ADAM10: variants seen among roughly 807,000 people sequenced by gnomAD.
The protein encoded by ADAM10 is ADAM metallopeptidase domain 10, also known as disintegrin and metalloproteinase domain-containing protein 10.
Under a neutral mutation model 90.1 loss-of-function variants are expected in ADAM10, and 17 were observed. The observed-to-expected ratio is 0.19, with a 90% confidence interval of 0.13 to 0.28. ADAM10 has a LOEUF of 0.28. Ranked by LOEUF, ADAM10 falls within the 10% of genes least tolerant of loss-of-function variation. The pLI is 1.00. For missense variants in ADAM10, 610 were observed against 914.3 expected (o/e 0.67, Z 4.29); for synonymous variants, 310 against 298.6 (o/e 1.04, Z -0.40).
intron 5 of ADAM10, among the ~76,000 whole-genome samples, chr15:58,664,033 C>T (rs2140727201): frequency 6.6e-6 from 1 of 152,166 alleles, no homozygotes; most frequent in East Asian, 1.9e-4. Context: ...CATTAGTCTC[C>T]TAAAATCTAC....
At chr15:58,650,628 T>C (rs747400251) in intron 5 of ADAM10, among the ~76,000 whole-genome samples, 2 of 152,270 alleles carry the variant, frequency 1.3e-5, no homozygotes, top group East Asian at 1.9e-4. Context: ...GGAGAAAAGG[T>C]AGAACCAAAT....
rs543617343 is a variant in ADAM10 at position 58,648,200 on chromosome 15, T to G, written c.586-1996A>C. ...CTGATATATACACAATAAAACTTAT[T>G]TTTAAAACAATTTGTATTATAGATG... On this transcript the variant is annotated intron_variant, in intron 5 of 15. Coordinates refer to ENST00000260408, the MANE Select transcript of ADAM10 (RefSeq NM_001110.4). 3.9e-5 allele frequency among the ~76,000 whole-genome samples: 6 copies of G among 152,296 alleles called. No individual in the cohort carries two copies. In the East Asian group the frequency reaches 1.2e-3, roughly 29 times the overall value.
At chr15:58,600,791 T>G (rs1385982226) in intron 14 of ADAM10, among the ~76,000 whole-genome samples, 2 of 152,144 alleles carry the variant, frequency 1.3e-5, no homozygotes, top group African/African-American at 4.8e-5. Flanking sequence ...TACAAAATAT[T>G]TACAGCTTCA....
intron 1 of ADAM10, among the ~76,000 whole-genome samples, chr15:58,734,705 T>C (rs1340085266): frequency 8.3e-6 from 1 of 120,254 alleles, no homozygotes; most frequent in Admixed American, 8.2e-5. Flanking sequence ...GTCTCAAAAT[T>C]AAAAAAAAAA....
Position 58,627,867 on chromosome 15 carries a change from T to C in ADAM10, c.1193A>G (p.Glu398Gly). 6.2e-7 allele frequency: 1 copy of C among 1,613,532 alleles called. No individual in the cohort carries two copies. Reference sequence around the variant, plus strand: ...ATTCTTAGATTCTCCTGGTGTGCACTCTGTTCCAGAATCATGCTGTCAAAA... The same window carrying C: ...ATTCTTAGATTCTCCTGGTGTGCACCCTGTTCCAGAATCATGCTGTCAAAA... The part of the protein sequence containing the change: ...NFGSPHDSGT[E>G]CTPGESKNLG... The change falls in exon 10 of 16, where the codon GAG becomes GGG. Residue 398 changes from glutamate (E) to glycine (G), a missense_variant. Transcript: ENST00000260408.
At chr15:58,655,882 G>T (rs1383085992) in intron 5 of ADAM10, among the ~76,000 whole-genome samples, 1 of 149,274 alleles carries the variant, frequency 6.7e-6, no homozygotes, top group South Asian at 2.1e-4. Flanking sequence ...GAGTAGCTGG[G>T]ATTACAGATG....
chr15:58,609,344 T>C lies in ADAM10; in HGVS notation c.2025+953A>G, dbSNP rs576813297. Reference sequence around the variant, plus strand: ...TTCTACTCCATGATCATTACATATCTAAAAACCACATATCCTAATGTGTCC... The same window carrying C: ...TTCTACTCCATGATCATTACATATCCAAAAACCACATATCCTAATGTGTCC... On this transcript the variant is annotated intron_variant, in intron 14 of 15. Coordinates refer to ENST00000260408, the MANE Select transcript of ADAM10 (RefSeq NM_001110.4). 2.0e-5 allele frequency: 3 copies of C among 152,310 alleles called. No individual in the cohort carries two copies. In the East Asian group the frequency reaches 5.8e-4, roughly 29 times the overall value. 9.4% of individuals were successfully genotyped at this position (152,310 alleles called of 1,614,324 possible).
At chr15:58,653,064 T>A (rs1292819546) in intron 5 of ADAM10, among the ~76,000 whole-genome samples, 1 of 152,214 alleles carries the variant, frequency 6.6e-6, no homozygotes, top group Non-Finnish European at 1.5e-5. Flanking sequence ...GTACGTTGAT[T>A]TTGTATCCTG....
chr15:58,726,335 C>T (rs1364717678), intron 1 of ADAM10, among the ~76,000 whole-genome samples: 3 of 151,646 alleles, frequency 2.0e-5, no homozygotes, highest in Admixed American at 6.6e-5. Flanking sequence ...GAGGCCAAGG[C>T]GGGTGGATCA....
At chr15:58,684,361 T>C (rs1339306157) in intron 2 of ADAM10, among the ~76,000 whole-genome samples, 1 of 152,198 alleles carries the variant, frequency 6.6e-6, no homozygotes, top group East Asian at 1.9e-4. Flanking sequence ...TTTATGCTAA[T>C]GAGGTGACTT....
intron 5 of ADAM10, among the ~76,000 whole-genome samples, chr15:58,655,723 A>AG (rs1381370723): frequency 3.8e-5 from 3 of 78,076 alleles, no homozygotes; most frequent in South Asian, 4.3e-4. Context: ...ATATATATAT[A>AG]TATATATATA....
At chr15:58,713,402 A>G (rs1567008262) in intron 2 of ADAM10, among the ~76,000 whole-genome samples, 2 of 152,200 alleles carry the variant, frequency 1.3e-5, no homozygotes, top group East Asian at 1.9e-4. Flanking sequence ...CACCATGTCC[A>G]GCAATTCACT....
In ADAM10 at chr15:58,706,948, G is replaced by A. The variant is rs552405881; in HGVS notation, c.206+10629C>T. 1.1e-4 allele frequency among the ~76,000 whole-genome samples: 16 copies of A among 149,248 alleles called. No individual in the cohort carries two copies. The South Asian group carries it at 2.8e-3, about 26-fold the overall frequency. On this transcript the variant is annotated intron_variant, in intron 2 of 15. Coordinates refer to ENST00000260408, the MANE Select transcript of ADAM10 (RefSeq NM_001110.4). Reference sequence around the variant, plus strand: ...CGCTTGAACCCAGGACACAGAGGTTGCAGTGAGCTGAGATCGCGCCATTGC... The same window carrying A: ...CGCTTGAACCCAGGACACAGAGGTTACAGTGAGCTGAGATCGCGCCATTGC...
At chr15:58,642,688 C>A (rs139572528) in intron 7 of ADAM10, among the ~76,000 whole-genome samples, 4 of 152,110 alleles carry the variant, frequency 2.6e-5, no homozygotes, top group South Asian at 2.1e-4. Context: ...CTCAAAGGTG[C>A]GTCACTAAAA....
At chr15:58,732,956 T>C (rs1276658043) in intron 1 of ADAM10, 2 of 152,504 alleles carry the variant, frequency 1.3e-5, no homozygotes, top group Non-Finnish European at 2.9e-5. Context: ...TATAAGAGAA[T>C]TCGTGATGGA....
At chr15:58,698,475 T>C (rs1475208061) in intron 2 of ADAM10, 7 of 265,172 alleles carry the variant, frequency 2.6e-5, no homozygotes, top group Non-Finnish European at 3.6e-5. Flanking sequence ...ACTCAGGTGG[T>C]TGAGGTGGGA....
chr15:58,728,438 T>C (rs1899114188), intron 1 of ADAM10, among the ~76,000 whole-genome samples: 1 of 151,700 alleles, frequency 6.6e-6, no homozygotes, highest in Admixed American at 6.6e-5. Context: ...GCTGACTAGA[T>C]TTTTTTTTAA....
chr15:58,633,049 A>C, intron 9 of ADAM10, 147 bp downstream of exon 9: 1 of 756,872 alleles, frequency 1.3e-6, no homozygotes, highest in Non-Finnish European at 2.1e-6. Context: ...CCTCCCTTTC[A>C]GTATGGTCAA....
At chr15:58,745,079 A>C (rs1389941854) in intron 1 of ADAM10, among the ~76,000 whole-genome samples, 2 of 152,192 alleles carry the variant, frequency 1.3e-5, no homozygotes, top group African/African-American at 2.4e-5. Context: ...GCTACTCTGG[A>C]GGCTGAGGCA....
Sources: allele counts gnomAD v4.1 joint callset (sites outside exome capture counted in the v4.1 genomes callset), GRCh38; gene constraint gnomAD v4.1.1; transcripts MANE v1.5; gene names NCBI Gene and HGNC (gene_info 2026-07-23, HGNC 2026-07-21).